Variants in GALP observed in about 807,000 individuals in gnomAD.
GALP encodes the protein galanin like peptide.
A neutral mutation model predicts 15.2 loss-of-function variants in GALP; 12 were observed. The ratio of observed to expected loss-of-function variants is 0.79; its 90% confidence interval spans 0.51 to 1.28. The LOEUF (loss-of-function observed/expected upper bound fraction) is 1.28. Among genes scored for constraint, GALP ranks in the 50% most tolerant of loss-of-function variants. The pLI is 0.00. For missense variants in GALP, 161 were observed against 145.6 expected (o/e 1.11, Z -0.55); for synonymous variants, 58 against 55.1 (o/e 1.05, Z -0.23).
At chr19:56,177,217 C>T (rs1233021594) in intron 2 of GALP, 22 bp downstream of exon 2, 15 of 1,593,008 alleles carry the variant, frequency 9.4e-6, no homozygotes, top group Admixed American at 1.7e-5. Flanking sequence ...CTAAGTTCCT[C>T]GGAAACAACA....
rs771874053 is a variant in GALP at position 56,177,134 on chromosome 19, T to C, written c.26T>C (p.Val9Ala). 4 of 1,613,320 alleles carry C rather than the reference T, an allele frequency of 2.5e-6. No homozygotes were observed. The highest frequency in any genetic ancestry group is 3.4e-6 in the Non-Finnish European group (4 of 1,179,780). The change falls in exon 2 of 6, where the codon GTC (valine) becomes GCC (alanine). Residue 9 changes from valine to alanine, a missense_variant. Val to Ala is a moderately conservative substitution (Grantham distance 64). Transcript: ENST00000357330. The stretch of plus-strand genomic sequence containing the variant: ...ATGGCTCCTCCCTCCGTCCCCCTGG[T>C]CCTCCTCCTCGTCCTCTTGCTGAGC... Reference protein sequence around the residue: MAPPSVPLVLLLVLLLSLA... With the variant: MAPPSVPLALLLVLLLSLA...
chr19:56,180,680 CT>C (rs1195425759), intron 3 of GALP, 46 bp downstream of exon 3: 1 of 1,533,440 alleles, frequency 6.5e-7, no homozygotes, highest in Admixed American at 1.7e-5. Context: ...CCGAGTCTGC[CT>C]GGTTGCTGCA....
chr19:56,180,734 C>A, intron 3 of GALP, 100 bp downstream of exon 3: 1 of 894,890 alleles, frequency 1.1e-6, no homozygotes, highest in Non-Finnish European at 1.8e-6. Flanking sequence ...CCCACATTCA[C>A]TGAGGCCCAT....
intron 3 of GALP, among the ~76,000 whole-genome samples, chr19:56,181,797 A>G (rs1013037425): frequency 2.0e-5 from 3 of 152,136 alleles, no homozygotes; most frequent in Non-Finnish European, 2.9e-5. Flanking sequence ...CACGTGCTGC[A>G]TAGTGAGCAT....
At position 56,185,343 on chromosome 19, in the gene GALP, C is replaced by A. The variant is rs1455656276; in HGVS notation, c.*73C>A. ...TCCCTCTGAAACCTTTTCTAGGTACCCTATGCTGAGACTAAGATCCTGAAG... is the reference window on the plus strand; with the variant it reads ...TCCCTCTGAAACCTTTTCTAGGTACACTATGCTGAGACTAAGATCCTGAAG... On this transcript the variant is annotated 3_prime_UTR_variant, in exon 6 of 6. Transcript: ENST00000357330. 8 of 861,018 alleles carry A rather than the reference C, an allele frequency of 9.3e-6. No homozygotes were observed. The highest frequency in any genetic ancestry group is 1.5e-5 in the Non-Finnish European group (8 of 533,160). 53.3% of individuals were successfully genotyped at this position (861,018 alleles called of 1,614,324 possible). A position where few individuals can be genotyped will look rare whatever the true frequency, so the allele number is the denominator to read the frequency against.
chr19:56,181,790 G>A (rs533756838), intron 3 of GALP, among the ~76,000 whole-genome samples: 1 of 152,240 alleles, frequency 6.6e-6, no homozygotes, highest in South Asian at 2.1e-4. Flanking sequence ...CCATGGCCAC[G>A]TGCTGCATAG....
intron 2 of GALP, among the ~76,000 whole-genome samples, chr19:56,179,407 A>G (rs1452490423): frequency 6.7e-6 from 1 of 149,562 alleles, no homozygotes; most frequent in Non-Finnish European, 1.5e-5. Context: ...TCCCAGGTTC[A>G]CGCCATTCTC....
chr19:56,177,961 T>C (rs1326529097), intron 2 of GALP, among the ~76,000 whole-genome samples: 1 of 152,128 alleles, frequency 6.6e-6, no homozygotes, highest in South Asian at 2.1e-4. Flanking sequence ...TGGTACAGCA[T>C]GGTGGCTGTT....
chr19:56,182,546 GGAATAATCCCAT>G (rs1433667557), intron 4 of GALP, among the ~76,000 whole-genome samples: 1 of 152,136 alleles, frequency 6.6e-6, no homozygotes, highest in Non-Finnish European at 1.5e-5. Context: ...TGACATAAAT[GGAATAATCCCAT>G]GATTTAGTTG....
chr19:56,180,989 A>G (rs1318985730), intron 3 of GALP, among the ~76,000 whole-genome samples: 2 of 134,832 alleles, frequency 1.5e-5, no homozygotes, highest in Admixed American at 1.8e-4. Context: ...GAATGGTGCG[A>G]TCTCAGCTCA....
At chr19:56,181,245 T>C (rs2032562034) in intron 3 of GALP, among the ~76,000 whole-genome samples, 1 of 151,882 alleles carries the variant, frequency 6.6e-6, no homozygotes, top group African/African-American at 2.4e-5. Context: ...TTGATCTCCC[T>C]ATGCCTCAGT....
At position 56,185,366 on chromosome 19, in the gene GALP, A is replaced by G. The variant is rs2032638142; in HGVS notation, c.*96A>G. On this transcript the variant is annotated 3_prime_UTR_variant, in exon 6 of 6. Transcript: ENST00000357330. ...ACCCTATGCTGAGACTAAGATCCTGAAGTTAAATACCCAGGTCTCATGAAG... is the reference window on the plus strand; with the variant it reads ...ACCCTATGCTGAGACTAAGATCCTGGAGTTAAATACCCAGGTCTCATGAAG... The G allele has an allele frequency of 5.9e-6, 4 of 679,564 alleles. No individual in the cohort carries two copies. In the East Asian group the frequency reaches 1.1e-4, roughly 19 times the overall value. 42.1% of individuals were successfully genotyped at this position (679,564 alleles called of 1,614,324 possible).
chr19:56,180,915 C>CTTTTT (rs1174325788), intron 3 of GALP, among the ~76,000 whole-genome samples: 5 of 40,146 alleles, frequency 1.2e-4, no homozygotes, highest in Admixed American at 7.0e-4. Flanking sequence ...TTCTTTCTTT[C>CTTTTT]TTTTTTTTTT....
At chr19:56,182,689 G>A (rs1412599487) in intron 4 of GALP, among the ~76,000 whole-genome samples, 1 of 152,120 alleles carries the variant, frequency 6.6e-6, no homozygotes, top group African/African-American at 2.4e-5. Flanking sequence ...CCTCCGAGTA[G>A]CTGGGATTAC....
chr19:56,182,333 G>A (rs1265821299), intron 4 of GALP, 81 bp downstream of exon 4: 11 of 1,013,594 alleles, frequency 1.1e-5, no homozygotes, highest in African/African-American at 3.2e-5. Flanking sequence ...TGGTAGATGT[G>A]AGCTCCAGCC....
At chr19:56,176,899 A>G (rs1426838224) in intron 1 of GALP, among the ~76,000 whole-genome samples, 171 bp from the exon 2 acceptor site, 1 of 127,178 alleles carries the variant, frequency 7.9e-6, no homozygotes, top group Non-Finnish European at 1.6e-5. Flanking sequence ...GGGGAAGGAG[A>G]GGCTTAATTG....
At chr19:56,183,293 G>A in intron 5 of GALP, 81 bp downstream of exon 5, 1 of 1,180,336 alleles carries the variant, frequency 8.5e-7, no homozygotes. Context: ...AGAGGGTAAA[G>A]GAAGAAAGGA....
At chr19:56,180,907 CTTTCTTTCTTTTT>C (rs1225237728) in intron 3 of GALP, among the ~76,000 whole-genome samples, 1 of 83,692 alleles carries the variant, frequency 1.2e-5, no homozygotes, top group Non-Finnish European at 2.2e-5. Context: ...TTCTTTCTTT[CTTTCTTTCTTTTT>C]TTTTTTTTTT....
rs539516717 is a variant in GALP, at chr19:56,182,128, T to C, written c.137-44T>C. The C allele has an allele frequency of 2.2e-6, 3 of 1,379,570 alleles. No individual in the cohort carries two copies. The African/African-American group carries it at 4.3e-5, about 20-fold the overall frequency. 85.5% of individuals were successfully genotyped at this position (1,379,570 alleles called of 1,614,324 possible). On this transcript the variant is annotated intron_variant, in intron 3 of 5. Transcript: ENST00000357330. Reference sequence around the variant, plus strand: ...GATGGACGATGTGTTTCTTCAGTTCTACTTAACCGACCACCTGCTCTTGCT... The same window carrying C: ...GATGGACGATGTGTTTCTTCAGTTCCACTTAACCGACCACCTGCTCTTGCT...
Sources: allele counts gnomAD v4.1 joint callset (sites outside exome capture counted in the v4.1 genomes callset), GRCh38; gene constraint gnomAD v4.1.1; transcripts MANE v1.5; gene names NCBI Gene and HGNC (gene_info 2026-07-23, HGNC 2026-07-21).